The following CNIH3 variants were observed in gnomAD, a reference collection of about 807,000 sequenced individuals.
CNIH3 encodes cornichon family AMPA receptor auxiliary protein 3.
CNIH3 carries 14 observed loss-of-function variants against 24.1 expected under a neutral mutation model. The ratio of observed to expected loss-of-function variants is 0.58; its 90% CI spans 0.38 to 0.91. CNIH3 has a LOEUF of 0.91. CNIH3 is among the 40% of genes least tolerant of loss of function. CNIH3 has a pLI of 0.00. For missense variants in CNIH3, 178 were observed against 196.8 expected, an observed-to-expected ratio of 0.90 and a Z score of 0.57; for synonymous variants, 68 against 73.8, an observed-to-expected ratio of 0.92 and a Z score of 0.40.
chr1:224,582,351 G>T (rs1292778446), intron 4 of CNIH3, among the ~76,000 whole-genome samples: 1 of 152,144 alleles, frequency 6.6e-6, no homozygotes, highest in African/African-American at 2.4e-5. Flanking sequence ...GACAGATGTG[G>T]CTGGGCTTTT....
chr1:224,589,600 T>C (rs560612033), downstream of CNIH3, among the ~76,000 whole-genome samples: 24 of 152,344 alleles, frequency 1.6e-4, no homozygotes, highest in East Asian at 7.7e-4. Flanking sequence ...AATGTGATAT[T>C]TCTGTCCAAA....
intron 3 of CNIH3, among the ~76,000 whole-genome samples, chr1:224,709,610 C>T (rs1394271134): frequency 6.6e-6 from 1 of 152,138 alleles, no homozygotes; most frequent in African/African-American, 2.4e-5. Context: ...CACATGCTTG[C>T]AGGAGTAGAG....
intron 1 of CNIH3, among the ~76,000 whole-genome samples, chr1:224,444,889 C>T (rs1675082958): frequency 6.6e-6 from 1 of 151,258 alleles, no homozygotes; most frequent in Non-Finnish European, 1.5e-5. Flanking sequence ...GTGATCCGCC[C>T]ACCTCGGCCT....
chr1:224,572,163 C>T (rs1390536418), intron 4 of CNIH3, among the ~76,000 whole-genome samples: 3 of 152,154 alleles, frequency 2.0e-5, no homozygotes, highest in African/African-American at 4.8e-5. Flanking sequence ...CTAAACTCTA[C>T]TTCTGGTATG....
chr1:224,502,865 G>A lies in CNIH3; in HGVS notation n.204-12876G>A, dbSNP rs571234436. On this transcript the variant is annotated intron_variant and non_coding_transcript_variant, in intron 1 of 5. Coordinates refer to the CNIH3 transcript ENST00000471578. ...TGAATGGTGGGGAACAGAGCCCAGAGACATAAAAGGTGGAGGGAAGGGTGA... is the reference window on the plus strand; with the variant it reads ...TGAATGGTGGGGAACAGAGCCCAGAAACATAAAAGGTGGAGGGAAGGGTGA... Among the ~76,000 whole-genome samples, 543 of 152,338 alleles carry A rather than the reference G, an allele frequency of 3.6e-3. 5 individuals are homozygous for A. Among genetic ancestry groups the A allele is most frequent in the African/African-American group, 0.012 (510 of 41,568 alleles).
At chr1:224,709,099 G>A (rs760074386) in intron 3 of CNIH3, among the ~76,000 whole-genome samples, 7 of 152,206 alleles carry the variant, frequency 4.6e-5, no homozygotes, top group East Asian at 1.9e-4. Context: ...CACCACGCGC[G>A]TCTGTCTAGC....
intron 3 of CNIH3, among the ~76,000 whole-genome samples, chr1:224,726,157 G>A (rs1689014462): frequency 6.6e-6 from 1 of 152,252 alleles, no homozygotes; most frequent in South Asian, 2.1e-4. Context: ...CATGTGTGCA[G>A]GGATGGAAAC....
chr1:224,569,653 T>G (rs1680733867), intron 4 of CNIH3, among the ~76,000 whole-genome samples: 1 of 152,086 alleles, frequency 6.6e-6, no homozygotes, highest in African/African-American at 2.4e-5. Flanking sequence ...GCAGTGTGAG[T>G]GTTCTGGTTT....
At chr1:224,451,824 C>T (rs1418303855) in intron 1 of CNIH3, among the ~76,000 whole-genome samples, 1 of 152,092 alleles carries the variant, frequency 6.6e-6, no homozygotes, top group African/African-American at 2.4e-5. Context: ...AAAGTGGTGA[C>T]CCGATGACTT....
intron 3 of CNIH3, among the ~76,000 whole-genome samples, chr1:224,610,956 A>C (rs1682665593): frequency 1.3e-5 from 2 of 152,170 alleles, no homozygotes; most frequent in African/African-American, 4.8e-5. Flanking sequence ...GGCTGCTGGT[A>C]ATAGAAAACC....
chr1:224,532,077 T>C (rs1424563894), intron 2 of CNIH3, among the ~76,000 whole-genome samples: 1 of 152,224 alleles, frequency 6.6e-6, no homozygotes, highest in African/African-American at 2.4e-5. Flanking sequence ...AATAAAGATG[T>C]ACTTATAAGG....
chr1:224,661,623 A>G (rs953890263), intron 1 of CNIH3: 13 of 329,500 alleles, frequency 3.9e-5, no homozygotes, highest in African/African-American at 2.6e-4. Context: ...ATGTGATGAC[A>G]AACTCAAATG....
intron 2 of CNIH3, among the ~76,000 whole-genome samples, chr1:224,544,217 T>G (rs1332936204): frequency 1.3e-5 from 2 of 152,216 alleles, no homozygotes; most frequent in Non-Finnish European, 2.9e-5. Flanking sequence ...GTCTTTATAT[T>G]TATTGCTCCC....
intron 1 of CNIH3, among the ~76,000 whole-genome samples, chr1:224,518,066 A>G (rs1031139091): frequency 6.6e-6 from 1 of 152,114 alleles, no homozygotes; most frequent in Non-Finnish European, 1.5e-5. Context: ...AGTGCTGTTC[A>G]TTTCTAGTGC....
chr1:224,508,499 A>G (rs555673213), intron 1 of CNIH3, among the ~76,000 whole-genome samples: 1 of 152,354 alleles, frequency 6.6e-6, no homozygotes, highest in African/African-American at 2.4e-5. Context: ...ATGGACCATT[A>G]GTTATACCCT....
rs200989648 is a variant in CNIH3 at position 224,549,315 on chromosome 1, TA to T, written n.450+2378del. Among the ~76,000 whole-genome samples the T allele has an allele frequency of 3.2e-4, 48 of 152,218 alleles. No individual in the cohort carries two copies. The East Asian group carries it at 6.6e-3, about 21-fold the overall frequency. On this transcript the variant is annotated intron_variant and non_coding_transcript_variant, in intron 3 of 5. Transcript: ENST00000471578. Reference sequence around the variant, plus strand: ...TATCAGAGTGATGATGTTTCCTTAATAACACAGTGTGTACAAACACACTAGA... The same window carrying T: ...TATCAGAGTGATGATGTTTCCTTAATACACAGTGTGTACAAACACACTAGA...
At chr1:224,623,466 C>T (rs1226830354) in intron 1 of CNIH3, among the ~76,000 whole-genome samples, 1 of 152,120 alleles carries the variant, frequency 6.6e-6, no homozygotes, top group Non-Finnish European at 1.5e-5. Context: ...CTTAGCTGGC[C>T]TCAGTATTGC....
chr1:224,646,175 C>T (rs74512496), intron 1 of CNIH3, among the ~76,000 whole-genome samples: 5 of 149,658 alleles, frequency 3.3e-5, no homozygotes, highest in East Asian at 2.0e-4. Context: ...TTCAAGGTCA[C>T]GTTTGATTGG....
At chr1:224,507,827 T>C (rs1677980682) in intron 1 of CNIH3, among the ~76,000 whole-genome samples, 1 of 152,234 alleles carries the variant, frequency 6.6e-6, no homozygotes, top group Non-Finnish European at 1.5e-5. Flanking sequence ...AGATATTTAC[T>C]ATGTGCAATG....
Sources: gnomAD v4.1 joint callset for allele counts (sites outside exome capture counted in the v4.1 genomes callset) on GRCh38, gnomAD v4.1.1 for gene constraint, MANE v1.5 for transcripts, NCBI Gene and HGNC (gene_info 2026-07-23, HGNC 2026-07-21) for gene names.